The following CDH13 variants were observed in gnomAD, a reference collection of about 807,000 sequenced individuals.
CDH13 encodes the protein cadherin-13.
In CDH13, 24 loss-of-function variants were observed where a neutral mutation model predicts 63.8. That is an observed-to-expected ratio of 0.38 (90% confidence interval 0.27 to 0.53). The LOEUF is 0.53. CDH13 is among the 20% of genes least tolerant of loss of function. CDH13 has a pLI of 0.85. For synonymous variants in CDH13, 503 were observed against 355.3 expected, an observed-to-expected ratio of 1.42 and a Z score of -4.67; for missense variants, 1,049 against 903.1, an observed-to-expected ratio of 1.16 and a Z score of -2.07.
At chr16:83,033,955 T>C (rs1381792124) in intron 3 of CDH13, among the ~76,000 whole-genome samples, 1 of 152,064 alleles carries the variant, frequency 6.6e-6, no homozygotes, top group Non-Finnish European at 1.5e-5. Context: ...ATTAGCCACA[T>C]CCCTGCTTGA....
rs111724495 is a variant in CDH13, at chr16:83,389,945, G to T, written c.781+44939G>T. 7.2e-3 allele frequency among the ~76,000 whole-genome samples: 1,091 copies of T among 152,316 alleles called. 13 individuals carry two copies. The highest frequency in any genetic ancestry group is 0.025 in the African/African-American group (1,034 of 41,570). ...GTCTCTCCAACGCTTTAACTAATGG[G>T]ATCTGAGCTCGGCTGTTTATTTATA... On this transcript the variant is annotated intron_variant, in intron 6 of 13. Coordinates refer to ENST00000567109, the MANE Select transcript of CDH13 (RefSeq NM_001257.5).
chr16:83,586,366 C>T (rs1295920585), intron 7 of CDH13, among the ~76,000 whole-genome samples: 1 of 152,036 alleles, frequency 6.6e-6, no homozygotes, highest in Non-Finnish European at 1.5e-5. Flanking sequence ...GGAGGAGGGG[C>T]GGAGGAAAGG....
At chr16:82,701,687 C>T (rs2031036371) in intron 1 of CDH13, among the ~76,000 whole-genome samples, 1 of 152,162 alleles carries the variant, frequency 6.6e-6, no homozygotes, top group Admixed American at 6.5e-5. Flanking sequence ...CCCAGACTCA[C>T]AGCCCATCCT....
chr16:83,095,135 G>T (rs1159600564), intron 3 of CDH13, among the ~76,000 whole-genome samples: 2 of 152,180 alleles, frequency 1.3e-5, no homozygotes, highest in East Asian at 1.9e-4. Context: ...GATTTGTGGT[G>T]TTTGCCAATT....
At chr16:82,946,130 G>T (rs1904689231) in intron 2 of CDH13, among the ~76,000 whole-genome samples, 2 of 151,608 alleles carry the variant, frequency 1.3e-5, no homozygotes, top group Admixed American at 1.3e-4. Flanking sequence ...TGTGTCTTTT[G>T]CAACATGTAG....
intron 5 of CDH13, among the ~76,000 whole-genome samples, chr16:83,289,429 C>T (rs183522866): frequency 3.3e-5 from 5 of 152,252 alleles, no homozygotes; most frequent in African/African-American, 1.2e-4. Context: ...GCCCAGGCTC[C>T]ACTTTAGTGT....
intron 2 of CDH13, among the ~76,000 whole-genome samples, chr16:83,030,975 A>G (rs1044314098): frequency 2.0e-5 from 3 of 151,702 alleles, no homozygotes; most frequent in Admixed American, 6.6e-5. Flanking sequence ...TAGTTCCTCA[A>G]AGTAAATTAA....
At chr16:82,839,613 G>A (rs913747301) in intron 1 of CDH13, among the ~76,000 whole-genome samples, 5 of 152,104 alleles carry the variant, frequency 3.3e-5, no homozygotes, top group Admixed American at 1.3e-4. Context: ...CTTGGATAAC[G>A]GCTTTGCTGG....
At chr16:83,209,432 C>T (rs2151776353) in intron 4 of CDH13, among the ~76,000 whole-genome samples, 1 of 152,134 alleles carries the variant, frequency 6.6e-6, no homozygotes, top group African/African-American at 2.4e-5. Flanking sequence ...TAAGTTATTG[C>T]TATCAGGTGC....
At chr16:82,868,038 T>G (rs1024360514) in intron 2 of CDH13, among the ~76,000 whole-genome samples, 1 of 152,234 alleles carries the variant, frequency 6.6e-6, no homozygotes, top group African/African-American at 2.4e-5. Context: ...TTATACAAGC[T>G]TGTATTTACT....
chr16:83,332,053 G>C (rs1456962785), intron 5 of CDH13, among the ~76,000 whole-genome samples: 2 of 152,038 alleles, frequency 1.3e-5, no homozygotes, highest in African/African-American at 4.8e-5. Flanking sequence ...TAATATATGA[G>C]AGTTTATTTC....
intron 4 of CDH13, among the ~76,000 whole-genome samples, chr16:83,183,844 A>C (rs1240827587): frequency 6.6e-6 from 1 of 152,192 alleles, no homozygotes. Context: ...TTCAAATAAA[A>C]TCTAATTTAA....
intron 2 of CDH13, among the ~76,000 whole-genome samples, chr16:82,935,945 T>A (rs956325117): frequency 2.6e-5 from 4 of 152,236 alleles, no homozygotes; most frequent in South Asian, 2.1e-4. Flanking sequence ...AATTTTATAG[T>A]CAGGTTTAAA....
At chr16:83,256,377 A>G (rs894792140) in intron 5 of CDH13, among the ~76,000 whole-genome samples, 4 of 152,146 alleles carry the variant, frequency 2.6e-5, no homozygotes, top group African/African-American at 7.2e-5. Flanking sequence ...CAAGAAATTA[A>G]TTCCCTGAGA....
chr16:83,393,931 A>G (rs906458431), intron 6 of CDH13, among the ~76,000 whole-genome samples: 1 of 152,150 alleles, frequency 6.6e-6, no homozygotes, highest in Non-Finnish European at 1.5e-5. Flanking sequence ...AAAGAACAAG[A>G]TCATGTCCTG....
intron 1 of CDH13, among the ~76,000 whole-genome samples, chr16:82,688,219 T>G (rs1915279835): frequency 6.6e-6 from 1 of 152,184 alleles, no homozygotes; most frequent in South Asian, 2.1e-4. Flanking sequence ...TGGCAGCAAC[T>G]GCTACTTCCA....
intron 7 of CDH13, among the ~76,000 whole-genome samples, chr16:83,565,203 C>A (rs186145483): frequency 6.6e-6 from 1 of 152,036 alleles, no homozygotes; most frequent in Non-Finnish European, 1.5e-5. Context: ...TCGCCCAAGG[C>A]TTACTTCTCG....
At chr16:83,161,214 G>T (rs1463007495) in intron 4 of CDH13, among the ~76,000 whole-genome samples, 4 of 152,138 alleles carry the variant, frequency 2.6e-5, no homozygotes, top group Admixed American at 2.6e-4. Context: ...TTTCCAGGGA[G>T]ATATACTAAT....
intron 1 of CDH13, among the ~76,000 whole-genome samples, chr16:82,838,117 GT>G (rs2038847885): frequency 6.6e-6 from 1 of 152,180 alleles, no homozygotes; most frequent in Admixed American, 6.5e-5. Flanking sequence ...AGCTGCCTCT[GT>G]TTTGAAAGCT....
Sources: allele counts gnomAD v4.1 joint callset (sites outside exome capture counted in the v4.1 genomes callset), GRCh38; gene constraint gnomAD v4.1.1; transcripts MANE v1.5; gene names NCBI Gene and HGNC (gene_info 2026-07-23, HGNC 2026-07-21).